The following SLCO4C1 variants were observed in gnomAD, a reference collection of about 807,000 sequenced individuals.
SLCO4C1 encodes the protein organic anion transporter M1.
In SLCO4C1, 58 loss-of-function variants were observed where a neutral mutation model predicts 72.1. That is an observed-to-expected ratio of 0.80 (90% CI 0.65 to 1.00). The LOEUF (loss-of-function observed/expected upper bound fraction) is 1.00, where lower values mean the gene tolerates loss of function less well. Among genes scored for constraint, SLCO4C1 ranks in the 50% least tolerant of loss-of-function variants. SLCO4C1 has a pLI of 0.00. For missense variants in SLCO4C1, 898 were observed against 857.9 expected (o/e 1.05, Z -0.58); for synonymous variants, 297 against 312.5 (o/e 0.95, Z 0.52).
rs151333382 is a variant in SLCO4C1 at position 102,285,386 on chromosome 5, G to A, written c.619+5957C>T. Among the ~76,000 whole-genome samples the A allele has an allele frequency of 2.1e-3, 314 of 152,204 alleles. 2 individuals carry two copies. The highest frequency in any genetic ancestry group is 7.2e-3 in the African/African-American group (298 of 41,532). On this transcript the variant is annotated intron_variant, in intron 2 of 12. Transcript: ENST00000310954. ...TGCAACCTCCGCCTCCTGGGTTCAA[G>A]TGATTCTCCTGCCTCAGCCTCCCAA... is the stretch of plus-strand genomic sequence containing the variant.
intron 10 of SLCO4C1, among the ~76,000 whole-genome samples, chr5:102,244,968 T>C (rs1367601790): frequency 6.6e-6 from 1 of 152,182 alleles, no homozygotes; most frequent in African/African-American, 2.4e-5. Context: ...CTGGTAATGA[T>C]AAGTACAAAG....
intron 10 of SLCO4C1, among the ~76,000 whole-genome samples, chr5:102,243,319 C>T (rs1748580672): frequency 6.6e-6 from 1 of 152,194 alleles, no homozygotes; most frequent in Admixed American, 6.5e-5. Flanking sequence ...TTCCCACTTG[C>T]TGATTGTAGG....
At chr5:102,267,587 T>C (rs1319383343) in intron 3 of SLCO4C1, among the ~76,000 whole-genome samples, 1 of 151,438 alleles carries the variant, frequency 6.6e-6, no homozygotes. Context: ...TCTGTAGTTT[T>C]TTTTTTTTTT....
Position 102,291,481 on chromosome 5 carries a change from A to G in SLCO4C1, c.481T>C (p.Phe161Leu), listed in dbSNP as rs547403199. 6.2e-7 allele frequency: 1 copy of G among 1,614,164 alleles called. No individual in the cohort carries two copies. The highest frequency in any genetic ancestry group is 8.5e-7 in the Non-Finnish European group (1 of 1,180,020). The change falls in exon 2 of 13, where the codon TTT becomes CTT. Residue 161 changes from phenylalanine (F) to leucine (L), a missense_variant. Physicochemically the swap from Phe to Leu is conservative, Grantham distance 22. Transcript: ENST00000310954. ...CCTCTTTCACCAAAGAATGATACAA[A>G]TAAAGACAACAAACAGAATGAAATA... Reference protein sequence around the residue: ...YDISFCLLSLFVSFFGERGHK... With the variant: ...YDISFCLLSLLVSFFGERGHK...
At chr5:102,248,097 C>G (rs1173285493) in intron 9 of SLCO4C1, among the ~76,000 whole-genome samples, 1 of 151,822 alleles carries the variant, frequency 6.6e-6, no homozygotes, top group Non-Finnish European at 1.5e-5. Context: ...AAACTGAGAA[C>G]AGTATTTTCT....
In SLCO4C1 at chr5:102,263,760, T is replaced by C. The variant is rs781173332; in HGVS notation, c.823A>G (p.Ile275Val). 9 of 1,612,584 alleles carry C rather than the reference T, an allele frequency of 5.6e-6. No individual in the cohort carries two copies. The African/African-American group carries it at 1.1e-4, about 19-fold the overall frequency. Residue 275 changes from isoleucine to valine, a missense_variant, in exon 4 of 13, where the codon ATC (isoleucine) becomes GTC (valine). Physicochemically the swap from Ile to Val is conservative, Grantham distance 29. Coordinates refer to ENST00000310954, the MANE Select transcript of SLCO4C1 (RefSeq NM_180991.5). ...LYIGTGYAMS[I>V]LGPAIGYVLG... ...ACATAGCCAATAGCAGGGCCTAAGATTGACATAGCATAACCGGTTCCTAGA... is the reference window on the plus strand; with the variant it reads ...ACATAGCCAATAGCAGGGCCTAAGACTGACATAGCATAACCGGTTCCTAGA...
rs974339432 is a variant in SLCO4C1, at chr5:102,263,474, T to C, written c.899+210A>G. On this transcript the variant is annotated intron_variant, in intron 4 of 12. Transcript: ENST00000310954. ...TTATTAAATATTATTTATGAAAATATGTTATTATAATAAAAGATGGTATAG... is the reference window on the plus strand; with the variant it reads ...TTATTAAATATTATTTATGAAAATACGTTATTATAATAAAAGATGGTATAG... 5.4e-5 allele frequency among the ~76,000 whole-genome samples: 8 copies of C among 148,912 alleles called. No homozygotes were observed. The East Asian group carries it at 9.6e-4, about 18-fold the overall frequency.
In SLCO4C1 at chr5:102,263,784, G is replaced by T. The variant is rs774727408; in HGVS notation, c.803-4C>A. On this transcript the variant is annotated splice_polypyrimidine_tract_variant and splice_region_variant and intron_variant, in intron 3 of 12. Coordinates refer to ENST00000310954, the MANE Select transcript of SLCO4C1 (RefSeq NM_180991.5). ...ATTGACATAGCATAACCGGTTCCTA[G>T]AAGAAGAACAGAGACATTGAATACA... is the stretch of plus-strand genomic sequence containing the variant. The T allele has an allele frequency of 6.2e-7, 1 of 1,608,622 alleles. No homozygotes were observed. The highest frequency in any genetic ancestry group is 1.1e-5 in the South Asian group (1 of 90,634).
At chr5:102,292,621 A>T (rs1270031303) in intron 1 of SLCO4C1, among the ~76,000 whole-genome samples, 1 of 137,924 alleles carries the variant, frequency 7.3e-6, no homozygotes. Flanking sequence ...TTGCATTCTA[A>T]ATTGTATGCA....
At chr5:102,280,491 T>TATTCA (rs1213589759) in intron 2 of SLCO4C1, among the ~76,000 whole-genome samples, 2 of 152,204 alleles carry the variant, frequency 1.3e-5, no homozygotes, top group South Asian at 2.1e-4. Context: ...AATCCATATA[T>TATTCA]ATTCATGGAT....
rs567548207 is a variant in SLCO4C1, at chr5:102,264,831, A to G, written c.803-1051T>C. On this transcript the variant is annotated intron_variant, in intron 3 of 12. Coordinates refer to ENST00000310954, the MANE Select transcript of SLCO4C1 (RefSeq NM_180991.5). ...CGTAATTCTATTCTCAAATTCTATGAGCTGATATTTTTTCTTTTTAGCTCC... is the reference window on the plus strand; with the variant it reads ...CGTAATTCTATTCTCAAATTCTATGGGCTGATATTTTTTCTTTTTAGCTCC... Among the ~76,000 whole-genome samples, 513 of 85,398 alleles carry G rather than the reference A, an allele frequency of 6.0e-3. 2 individuals carry two copies. The highest frequency in any genetic ancestry group is 0.022 in the African/African-American group (492 of 21,894). The allele number at this position is 85,398 out of a possible 152,430, so 56.0% of individuals were successfully genotyped here. A position where few individuals can be genotyped will look rare whatever the true frequency, so the allele number is the denominator to read the frequency against.
intron 2 of SLCO4C1, among the ~76,000 whole-genome samples, chr5:102,287,455 G>A (rs1749475088): frequency 6.7e-6 from 1 of 150,370 alleles, no homozygotes; most frequent in African/African-American, 2.4e-5. Flanking sequence ...ATTAGTTTTA[G>A]TTGTTGTTAA....
intron 2 of SLCO4C1, among the ~76,000 whole-genome samples, chr5:102,288,565 TC>T (rs1378319533): frequency 6.6e-6 from 1 of 152,104 alleles, no homozygotes; most frequent in Non-Finnish European, 1.5e-5. Flanking sequence ...ATCATGCACT[TC>T]CCTGTATAAA....
At chr5:102,288,121 T>C in intron 2 of SLCO4C1, among the ~76,000 whole-genome samples, 2 of 152,276 alleles carry the variant, frequency 1.3e-5, no homozygotes, top group Middle Eastern at 6.8e-3. Context: ...AAAACTAGAA[T>C]GAGGAAGGCC....
chr5:102,290,833 C>T (rs943583082), intron 2 of SLCO4C1, among the ~76,000 whole-genome samples: 3 of 152,118 alleles, frequency 2.0e-5, no homozygotes, highest in African/African-American at 7.2e-5. Flanking sequence ...TAATATATTT[C>T]TCCATCTAAC....
intron 9 of SLCO4C1, among the ~76,000 whole-genome samples, chr5:102,248,794 C>T (rs1414990285): frequency 2.6e-5 from 4 of 152,014 alleles, no homozygotes; most frequent in Non-Finnish European, 5.9e-5. Context: ...TACTATACTG[C>T]GTACTACTCA....
At chr5:102,240,851 C>T (rs1352329075) in intron 10 of SLCO4C1, 69 bp from the exon 11 acceptor site, 2 of 1,104,704 alleles carry the variant, frequency 1.8e-6, no homozygotes, top group African/African-American at 1.6e-5. Flanking sequence ...AGCAAGTTCA[C>T]ATTTATAAGA....
chr5:102,276,611 G>A (rs994952961), intron 2 of SLCO4C1, among the ~76,000 whole-genome samples: 2 of 152,082 alleles, frequency 1.3e-5, no homozygotes, highest in Non-Finnish European at 2.9e-5. Context: ...AGTTACTGAA[G>A]TTTTCTTTTA....
At position 102,234,098 on chromosome 5, in the gene SLCO4C1, A is replaced by G. The variant is rs1748392373; in HGVS notation, c.*2760T>C. 1 of 152,322 alleles carries G rather than the reference A, an allele frequency of 6.6e-6. No homozygotes were observed. The highest frequency in any genetic ancestry group is 1.5e-5 in the Non-Finnish European group (1 of 68,006). 9.4% of individuals were successfully genotyped at this position (152,322 alleles called of 1,614,324 possible). ...CTAAAACTTTGTTTCCCTCCAATTTACATAGTAAAGTCAACTGCATACAGT... is the reference window on the plus strand; with the variant it reads ...CTAAAACTTTGTTTCCCTCCAATTTGCATAGTAAAGTCAACTGCATACAGT... On this transcript the variant is annotated 3_prime_UTR_variant, in exon 13 of 13. Transcript: ENST00000310954.
Sources: gnomAD v4.1 joint callset for allele counts (sites outside exome capture counted in the v4.1 genomes callset) on GRCh38, gnomAD v4.1.1 for gene constraint, MANE v1.5 for transcripts, NCBI Gene and HGNC (gene_info 2026-07-23, HGNC 2026-07-21) for gene names.